SERPINF1: variants seen among roughly 807,000 people sequenced by gnomAD.
SERPINF1 encodes the protein serpin family F member 1.
Under a neutral mutation model 37.3 loss-of-function variants are expected in SERPINF1, and 29 were observed. That is an observed-to-expected ratio of 0.78 (90% CI 0.58 to 1.06). SERPINF1 has a LOEUF of 1.06. Among genes scored for constraint, SERPINF1 ranks in the 50% least tolerant of loss-of-function variants. SERPINF1 has a pLI of 0.00. For synonymous variants in SERPINF1, 281 were observed against 227.9 expected (o/e 1.23, Z -2.10); for missense variants, 553 against 532.2 (o/e 1.04, Z -0.38).
chr17:1,776,741 G>C lies in SERPINF1; in HGVS notation c.996G>C (p.Met332Ile). The C allele has an allele frequency of 2.5e-6, 4 of 1,612,978 alleles. No individual in the cohort carries two copies. The South Asian group carries it at 3.3e-5, about 13-fold the overall frequency. ...EGEVTKSLQEMKLQSLFDSPD... is the reference protein window; with the variant it reads ...EGEVTKSLQEIKLQSLFDSPD... ...AAGTCACCAAGTCCCTGCAGGAGAT[G>C]AGTATGTCTGAAGACCCTTTCGCTC... Residue 332 changes from methionine (M) to isoleucine (I), a missense_variant and splice_region_variant, in exon 7 of 8, where the codon ATG (methionine) becomes ATC (isoleucine). By Grantham distance (10) the Met-to-Ile change is conservative. Coordinates refer to ENST00000254722, the MANE Select transcript of SERPINF1 (RefSeq NM_002615.7).
intron 2 of SERPINF1, among the ~76,000 whole-genome samples, chr17:1,768,280 A>G (rs1436850805): frequency 1.3e-5 from 2 of 151,450 alleles, no homozygotes; most frequent in Non-Finnish European, 2.9e-5. Flanking sequence ...AAATACAAAA[A>G]ATTAGCTGGG....
rs750443950 is a variant in SERPINF1 at position 1,777,403 on chromosome 17, C to A, written c.1214C>A (p.Ala405Asp). Residue 405 changes from alanine (A) to aspartate (D), a missense_variant, in exon 8 of 8, where the codon GCC becomes GAC. By Grantham distance (126) the Ala-to-Asp change is moderately radical. Coordinates refer to ENST00000254722, the MANE Select transcript of SERPINF1 (RefSeq NM_002615.7). ...GTACTGAGGGACACAGACACAGGGG[C>A]CCTTCTCTTCATTGGCAAGATTCTG... ...IFVLRDTDTG[A>D]LLFIGKILDP... 6.2e-7 allele frequency: 1 copy of A among 1,614,012 alleles called. No homozygotes were observed. The highest frequency in any genetic ancestry group is 8.5e-7 in the Non-Finnish European group (1 of 1,180,036).
intron 2 of SERPINF1, 196 bp from the exon 3 acceptor site, chr17:1,769,656 C>T (rs977519486): frequency 6.1e-5 from 39 of 637,754 alleles, no homozygotes; most frequent in Non-Finnish European, 9.8e-5. Flanking sequence ...CTCTCTTCTG[C>T]GCTGTCTCTC....
chr17:1,766,886 T>C lies in SERPINF1; in HGVS notation c.-8-17T>C, dbSNP rs1227908435. ...TGTCGGGGGAGAGCGGCTTGCTGCC[T>C]CGTTCTTTTCTTGCAGGCCCCAGGA... On this transcript the variant is annotated splice_polypyrimidine_tract_variant and intron_variant, in intron 1 of 7. Transcript: ENST00000254722. 3 of 1,551,362 alleles carry C rather than the reference T, an allele frequency of 1.9e-6. No homozygotes were observed. The highest frequency in any genetic ancestry group is 2.0e-5 in the Admixed American group (1 of 51,082).
intron 2 of SERPINF1, among the ~76,000 whole-genome samples, chr17:1,768,782 T>C (rs2151206578): frequency 6.7e-6 from 1 of 150,260 alleles, no homozygotes. Context: ...TGGCTCCCAA[T>C]TTTTATATTT....
At chr17:1,770,930 C>G in intron 3 of SERPINF1, 99 bp from the exon 4 acceptor site, 1 of 1,473,982 alleles carries the variant, frequency 6.8e-7, no homozygotes, top group Non-Finnish European at 9.5e-7. Flanking sequence ...GGGCTCTCAG[C>G]AGACAAAAAA....
intron 6 of SERPINF1, 22 bp downstream of exon 6, chr17:1,775,222 G>T (rs1298894850): frequency 1.2e-6 from 2 of 1,607,638 alleles, no homozygotes; most frequent in East Asian, 4.5e-5. Context: ...TAGGGGCAGG[G>T]TGGGGGGTGG....
At chr17:1,769,340 C>T (rs62088174) in intron 2 of SERPINF1, among the ~76,000 whole-genome samples, 4,892 of 149,572 alleles carry the variant, frequency 0.033, 133 homozygotes, top group Non-Finnish European at 0.049. Context: ...ACCCGGGAGG[C>T]GGAGCTTGCA....
Position 1,776,640 on chromosome 17 carries a change from C to T in SERPINF1, c.895C>T (p.His299Tyr), listed in dbSNP as rs1280605100. The change falls in exon 7 of 8, where the codon CAT (histidine) becomes TAT (tyrosine). Residue 299 changes from histidine (H) to tyrosine (Y), a missense_variant. Transcript: ENST00000254722. ...IEESLTSEFI[H>Y]DIDRELKTVQ... The stretch of plus-strand genomic sequence containing the variant: ...GGAGAGCCTCACCTCCGAGTTCATT[C>T]ATGACATAGACCGAGAACTGAAGAC... 2 of 1,613,952 alleles carry T rather than the reference C, an allele frequency of 1.2e-6. No homozygotes were observed. Among genetic ancestry groups the T allele is most frequent in the Non-Finnish European group, 1.7e-6 (2 of 1,180,034 alleles).
intron 1 of SERPINF1, among the ~76,000 whole-genome samples, chr17:1,763,967 TGAGATCA>T (rs2151203456): frequency 6.6e-6 from 1 of 152,362 alleles, no homozygotes; most frequent in South Asian, 2.1e-4. Flanking sequence ...GTGGATCACC[TGAGATCA>T]GGATTCCAGG....
In SERPINF1 at chr17:1,768,874, C is replaced by A. The variant is rs1907549922; in HGVS notation, c.85-978C>A. ...AGGCTGGAGTACAGTGGCACTATCT[C>A]AGCTCATTGCAACCTCTGCCTCCTG... On this transcript the variant is annotated intron_variant, in intron 2 of 7. Coordinates refer to ENST00000254722, the MANE Select transcript of SERPINF1 (RefSeq NM_002615.7). Among the ~76,000 whole-genome samples the A allele has an allele frequency of 2.6e-5, 4 of 151,872 alleles. No homozygotes were observed. In the South Asian group the frequency reaches 8.3e-4, roughly 32 times the overall value.
Position 1,769,982 on chromosome 17 carries a change from C to G in SERPINF1, c.215C>G (p.Thr72Arg). The change falls in exon 3 of 8, where the codon ACG (threonine) becomes AGG (arginine). Residue 72 changes from threonine to arginine, a missense_variant. Physicochemically the swap from Thr to Arg is moderately conservative, Grantham distance 71 (BLOSUM62 -1). Coordinates refer to ENST00000254722, the MANE Select transcript of SERPINF1 (RefSeq NM_002615.7). ...GACCTGTACCGGGTGCGATCCAGCA[C>G]GAGCCCCACGACCAACGTGCTCCTG... ...GYDLYRVRSS[T>R]SPTTNVLLSP... 19 of 1,613,694 alleles carry G rather than the reference C, an allele frequency of 1.2e-5. No homozygotes were observed. Among genetic ancestry groups the G allele is most frequent in the Non-Finnish European group, 1.6e-5 (19 of 1,179,722 alleles).
At position 1,771,968 on chromosome 17, in the gene SERPINF1, A is replaced by C. The variant is rs1383725386; in HGVS notation, c.536A>C (p.Glu179Ala). The C allele has an allele frequency of 6.2e-7, 1 of 1,614,014 alleles. No individual in the cohort carries two copies. The highest frequency in any genetic ancestry group is 8.5e-7 in the Non-Finnish European group (1 of 1,179,996). ...GGCAACCCTCGCTTGGACCTGCAAG[A>C]GATCAACAACTGGGTGCAGGCGCAG... ...LTGNPRLDLQ[E>A]INNWVQAQMK... The change falls in exon 5 of 8, where the codon GAG becomes GCG. Residue 179 changes from glutamate to alanine, a missense_variant. By Grantham distance (107) the Glu-to-Ala change is moderately radical. Transcript: ENST00000254722.
intron 2 of SERPINF1, among the ~76,000 whole-genome samples, chr17:1,768,407 G>T (rs1341157226): frequency 1.4e-5 from 2 of 144,136 alleles, no homozygotes; most frequent in African/African-American, 5.5e-5. Context: ...CTCCAGCCTG[G>T]GCGACAGAGT....
Position 1,775,098 on chromosome 17 carries a change from C to T in SERPINF1, c.684C>T (p.Leu228=), listed in dbSNP as rs778204797. 24 of 1,613,928 alleles carry T rather than the reference C, an allele frequency of 1.5e-5. No homozygotes were observed. The highest frequency in any genetic ancestry group is 5.3e-5 in the African/African-American group (4 of 74,880). ...AGTTTGACTCCAGAAAGACTTCCCT[C>T]GAGGATTTCTACTTGGATGAAGAGA... ...VTKFDSRKTS[L]EDFYLDEERT... is the part of the protein sequence containing the mutation. The change falls in exon 6 of 8, where the codon CTC becomes CTT. Residue 228 remains leucine, a synonymous_variant. Transcript: ENST00000254722.
intron 2 of SERPINF1, among the ~76,000 whole-genome samples, chr17:1,768,997 G>A (rs1367782371): frequency 7.3e-5 from 11 of 150,942 alleles, no homozygotes; most frequent in Middle Eastern, 6.8e-3. Flanking sequence ...TAGTAGAGAC[G>A]GGTTTCACCG....
At chr17:1,767,773 A>T (rs1217086122) in intron 2 of SERPINF1, among the ~76,000 whole-genome samples, 12 of 152,208 alleles carry the variant, frequency 7.9e-5, no homozygotes, top group Admixed American at 7.9e-4. Context: ...GTGACCCTAG[A>T]CAACCCTTAC....
chr17:1,763,354 T>C (rs936605848), intron 1 of SERPINF1, among the ~76,000 whole-genome samples: 9 of 152,222 alleles, frequency 5.9e-5, no homozygotes, highest in Non-Finnish European at 1.2e-4. Context: ...TCTGTGTTTC[T>C]TGATGTGGGC....
intron 4 of SERPINF1, 66 bp downstream of exon 4, chr17:1,771,250 C>CTTT: frequency 2.0e-5 from 24 of 1,211,528 alleles, no homozygotes; most frequent in East Asian, 5.7e-5. Flanking sequence ...CTGGGGGGGT[C>CTTT]TTTTTTTTTT....
Sources: allele counts gnomAD v4.1 joint callset (sites outside exome capture counted in the v4.1 genomes callset), GRCh38; gene constraint gnomAD v4.1.1; transcripts MANE v1.5; gene names NCBI Gene and HGNC (gene_info 2026-07-23, HGNC 2026-07-21).